Variants in ST8SIA2 observed in about 807,000 individuals in gnomAD.
The protein encoded by ST8SIA2 is alpha-2,8-sialyltransferase 8B.
Under a neutral mutation model 37.6 loss-of-function variants are expected in ST8SIA2, and 22 were observed. The ratio of observed to expected loss-of-function variants is 0.58; its 90% CI spans 0.42 to 0.83. The LOEUF is 0.83. Among genes scored for constraint, ST8SIA2 ranks in the 40% least tolerant of loss-of-function variants. ST8SIA2 has a pLI of 0.00. For missense variants in ST8SIA2, 382 were observed against 484.7 expected, an observed-to-expected ratio of 0.79 and a Z score of 1.99; for synonymous variants, 205 against 201.2, an observed-to-expected ratio of 1.02 and a Z score of -0.16.
At chr15:92,448,173 C>T (rs1371920569) in intron 5 of ST8SIA2, among the ~76,000 whole-genome samples, 2 of 152,194 alleles carry the variant, frequency 1.3e-5, no homozygotes, top group African/African-American at 4.8e-5. Context: ...ACATCTTCAG[C>T]TGCAGGACCA....
chr15:92,408,547 G>A lies in ST8SIA2; in HGVS notation c.98+14385G>A, dbSNP rs538576552. Among the ~76,000 whole-genome samples the A allele has an allele frequency of 5.9e-5, 9 of 152,170 alleles. No homozygotes were observed. In the East Asian group the frequency reaches 1.7e-3, roughly 29 times the overall value. ...AAGTTCCTTGAGGGAGGCTGAGATAGGCCCCAGTTACTGATATTCTAGGAT... is the reference window on the plus strand; with the variant it reads ...AAGTTCCTTGAGGGAGGCTGAGATAAGCCCCAGTTACTGATATTCTAGGAT... On this transcript the variant is annotated intron_variant, in intron 1 of 5. Transcript: ENST00000268164.
At chr15:92,404,834 C>CA (rs34778008) in intron 1 of ST8SIA2, among the ~76,000 whole-genome samples, 43,023 of 110,980 alleles carry the variant, frequency 0.39, 7,653 homozygotes, top group Middle Eastern at 0.53. Context: ...GACTCCATCT[C>CA]AAAAAAAAAA....
At position 92,438,488 on chromosome 15, in the gene ST8SIA2, C is replaced by T; in HGVS notation, c.426C>T (p.Leu142=). Residue 142 remains leucine, a synonymous_variant, in exon 4 of 6, where the codon CTC becomes CTT. Transcript: ENST00000268164. The part of the protein sequence containing the change: ...TMNVSQNLYE[L]LPRTSPLKNK... ...ATGTGTCCCAGAACCTCTACGAGCT[C>T]CTCCCCAGGACTTCGCCACTGAAGA... 1 of 1,614,232 alleles carries T rather than the reference C, an allele frequency of 6.2e-7. No individual in the cohort carries two copies.
At chr15:92,442,390 C>A (rs1445586026) in intron 4 of ST8SIA2, among the ~76,000 whole-genome samples, 1 of 152,112 alleles carries the variant, frequency 6.6e-6, no homozygotes, top group Non-Finnish European at 1.5e-5. Context: ...CCCAGACTGG[C>A]CAACATTGCA....
rs186663577 is a variant in ST8SIA2, at chr15:92,396,464, G to C, written c.98+2302G>C. Among the ~76,000 whole-genome samples, 490 of 144,184 alleles carry C rather than the reference G, an allele frequency of 3.4e-3. 1 individual carries two copies. Among genetic ancestry groups the C allele is most frequent in the Non-Finnish European group, 4.9e-3 (328 of 66,834 alleles). 94.6% of individuals were successfully genotyped at this position (144,184 alleles called of 152,430 possible). A position where few individuals can be genotyped will look rare whatever the true frequency, so the allele number is the denominator to read the frequency against. ...GTGAGGGGTTTCTTTTTGTTTGTTT[G>C]TTTTTGTTTTTTTTTTTGTCTTTTC... On this transcript the variant is annotated intron_variant, in intron 1 of 5. Coordinates refer to ENST00000268164, the MANE Select transcript of ST8SIA2 (RefSeq NM_006011.4).
At chr15:92,401,888 G>C (rs1023334641) in intron 1 of ST8SIA2, among the ~76,000 whole-genome samples, 1 of 150,032 alleles carries the variant, frequency 6.7e-6, no homozygotes, top group Non-Finnish European at 1.5e-5. Context: ...AGCCACAGAG[G>C]AGTGGTGATC....
In ST8SIA2 at chr15:92,464,459, G is replaced by C; in HGVS notation, c.*74G>C. The stretch of plus-strand genomic sequence containing the variant: ...CCACAGGCAGATGGGAGTCGGGGTG[G>C]CACAAACAATAGAACAAGCAGGCTA... On this transcript the variant is annotated 3_prime_UTR_variant, in exon 6 of 6. Coordinates refer to ENST00000268164, the MANE Select transcript of ST8SIA2 (RefSeq NM_006011.4). 6.4e-7 allele frequency: 1 copy of C among 1,551,502 alleles called. No homozygotes were observed. The highest frequency in any genetic ancestry group is 2.2e-5 in the East Asian group (1 of 44,618).
intron 1 of ST8SIA2, among the ~76,000 whole-genome samples, chr15:92,404,334 C>T (rs561896617): frequency 5.1e-4 from 78 of 152,284 alleles, no homozygotes; most frequent in African/African-American, 1.9e-3. Flanking sequence ...CTTTCTGAGT[C>T]TCAGTTTCCT....
intron 5 of ST8SIA2, among the ~76,000 whole-genome samples, chr15:92,458,339 T>A (rs2049933777): frequency 6.6e-6 from 1 of 152,198 alleles, no homozygotes; most frequent in African/African-American, 2.4e-5. Flanking sequence ...GTACACATTG[T>A]CTTTGTCGCA....
chr15:92,394,080 C>T lies in ST8SIA2; in HGVS notation c.16C>T (p.Arg6Trp), dbSNP rs2049411010. The T allele has an allele frequency of 6.4e-7, 1 of 1,554,004 alleles. No individual in the cohort carries two copies. Among genetic ancestry groups the T allele is most frequent in the Non-Finnish European group, 8.7e-7 (1 of 1,148,116 alleles). Reference sequence around the variant, plus strand: ...CGAACCCACCATGCAGCTGCAGTTCCGGAGCTGGATGCTGGCCGCGCTCAC... The same window carrying T: ...CGAACCCACCATGCAGCTGCAGTTCTGGAGCTGGATGCTGGCCGCGCTCAC... MQLQF[R>W]SWMLAALTLL... Residue 6 changes from arginine to tryptophan, a missense_variant, in exon 1 of 6, where the codon CGG (arginine) becomes TGG (tryptophan). Transcript: ENST00000268164.
intron 3 of ST8SIA2, among the ~76,000 whole-genome samples, chr15:92,437,855 T>C (rs1047281750): frequency 3.4e-4 from 52 of 152,134 alleles, no homozygotes; most frequent in African/African-American, 1.2e-3. Flanking sequence ...GAAACTTAGA[T>C]TTTATACCTA....
intron 5 of ST8SIA2, among the ~76,000 whole-genome samples, chr15:92,452,514 G>A (rs1484967230): frequency 2.6e-5 from 4 of 152,210 alleles, no homozygotes; most frequent in Non-Finnish European, 5.9e-5. Flanking sequence ...TAAACAGGAG[G>A]AAAGGATGGA....
intron 1 of ST8SIA2, among the ~76,000 whole-genome samples, chr15:92,416,616 C>T (rs1410457803): frequency 6.6e-6 from 1 of 152,134 alleles, no homozygotes; most frequent in Non-Finnish European, 1.5e-5. Context: ...GCTCAGGTCA[C>T]TGACAGAGCA....
chr15:92,403,422 G>C (rs775219470), intron 1 of ST8SIA2, among the ~76,000 whole-genome samples: 1 of 152,122 alleles, frequency 6.6e-6, no homozygotes, highest in Non-Finnish European at 1.5e-5. Flanking sequence ...CTTTTGAGAC[G>C]ATAGAATAGA....
At chr15:92,436,818 C>G (rs377667685) in intron 3 of ST8SIA2, among the ~76,000 whole-genome samples, 3 of 152,138 alleles carry the variant, frequency 2.0e-5, no homozygotes, top group African/African-American at 7.2e-5. Context: ...GGATGAGACG[C>G]GCCGAGCTTA....
At position 92,446,515 on chromosome 15, in the gene ST8SIA2, A is replaced by G. The variant is rs566013470; in HGVS notation, c.842+1586A>G. On this transcript the variant is annotated intron_variant, in intron 5 of 5. Transcript: ENST00000268164. ...TGTGTACATGTTTTAAAACTTACACACATTCATTCTGCATATATTTATTGA... is the reference window on the plus strand; with the variant it reads ...TGTGTACATGTTTTAAAACTTACACGCATTCATTCTGCATATATTTATTGA... Among the ~76,000 whole-genome samples the G allele has an allele frequency of 2.6e-5, 4 of 152,370 alleles. No individual in the cohort carries two copies. The South Asian group carries it at 8.3e-4, about 32-fold the overall frequency.
intron 1 of ST8SIA2, among the ~76,000 whole-genome samples, chr15:92,418,679 A>C (rs1248485516): frequency 3.3e-5 from 5 of 152,052 alleles, no homozygotes; most frequent in Admixed American, 6.5e-5. Flanking sequence ...ATTGAGGGGG[A>C]GAGAAGCTGT....
chr15:92,395,234 T>G (rs908633385), intron 1 of ST8SIA2, among the ~76,000 whole-genome samples: 1 of 152,230 alleles, frequency 6.6e-6, no homozygotes, highest in African/African-American at 2.4e-5. Context: ...AGAAGGTCTC[T>G]TCTTCTGTGG....
chr15:92,422,247 G>A (rs2141821356), intron 1 of ST8SIA2: 1 of 152,330 alleles, frequency 6.6e-6, no homozygotes, highest in East Asian at 1.9e-4. Flanking sequence ...TACAGTTCAG[G>A]AAATATGACC....
Sources: allele counts gnomAD v4.1 joint callset (sites outside exome capture counted in the v4.1 genomes callset), GRCh38; gene constraint gnomAD v4.1.1; transcripts MANE v1.5; gene names NCBI Gene and HGNC (gene_info 2026-07-23, HGNC 2026-07-21).